Variants in BRWD1 observed in about 807,000 individuals in gnomAD.
BRWD1 encodes bromodomain and WD repeat domain containing 1, also known as bromodomain and WD repeat-containing protein 1.
In BRWD1, 82 loss-of-function variants were observed where a neutral mutation model predicts 251.2. That is an observed-to-expected ratio of 0.33 (90% CI 0.27 to 0.39). The LOEUF is 0.39. BRWD1 is among the 10% of genes least tolerant of loss of function. BRWD1 has a pLI of 1.00. For missense variants in BRWD1, 2,233 were observed against 2,711.6 expected (o/e 0.82, Z 3.92); for synonymous variants, 918 against 902.8 (o/e 1.02, Z -0.30).
At chr21:39,260,421 T>C (rs76464837) in intron 17 of BRWD1, among the ~76,000 whole-genome samples, 12,255 of 152,226 alleles carry the variant, frequency 0.081, 672 homozygotes, top group Non-Finnish European at 0.12. Context: ...ATTACAAGCG[T>C]GAGCCACTGC....
chr21:39,202,629 T>C, intron 37 of BRWD1, 84 bp from the exon 38 acceptor site: 1 of 843,614 alleles, frequency 1.2e-6, no homozygotes, highest in Non-Finnish European at 1.8e-6. Flanking sequence ...AATAGAAGTA[T>C]ATCATATTTC....
At chr21:39,267,905 CA>C (rs916721991) in intron 15 of BRWD1, among the ~76,000 whole-genome samples, 11 of 149,686 alleles carry the variant, frequency 7.3e-5, no homozygotes, top group African/African-American at 1.7e-4. Flanking sequence ...ATAAAAATTT[CA>C]AAAAAAAAGG....
upstream of BRWD1, chr21:39,314,454 A>G (rs376939332): frequency 1.0e-5 from 4 of 398,146 alleles, no homozygotes; most frequent in African/African-American, 2.1e-5. Context: ...AGGGTGGTGC[A>G]GACGGGCCGC....
At chr21:39,237,962 A>C (rs891027684) in intron 22 of BRWD1, among the ~76,000 whole-genome samples, 1 of 152,210 alleles carries the variant, frequency 6.6e-6, no homozygotes, top group Admixed American at 6.5e-5. Flanking sequence ...CCAATTAAAA[A>C]AAAAAGAAAG....
chr21:39,303,179 C>T (rs2036175527), intron 4 of BRWD1, among the ~76,000 whole-genome samples: 5 of 151,994 alleles, frequency 3.3e-5, no homozygotes, highest in Admixed American at 3.3e-4. Flanking sequence ...ATATTGAAAC[C>T]TCTAGGGAAA....
In BRWD1 at chr21:39,193,879, G is replaced by A; in HGVS notation, c.*2380C>T. The A allele has an allele frequency of 2.0e-6, 2 of 985,368 alleles. No individual in the cohort carries two copies. Among genetic ancestry groups the A allele is most frequent in the Non-Finnish European group, 2.4e-6 (2 of 829,586 alleles). 61.0% of individuals were successfully genotyped at this position (985,368 alleles called of 1,614,324 possible). A position where few individuals can be genotyped will look rare whatever the true frequency, so the allele number is the denominator to read the frequency against. On this transcript the variant is annotated 3_prime_UTR_variant, in exon 41 of 41. Coordinates refer to ENST00000342449, the MANE Select transcript of BRWD1 (RefSeq NM_033656.4). ...ATTTTCCTTAAAGGTACTTAGGAGT[G>A]TGTGTGTCACATATTCAAAGTTAAC... is the stretch of plus-strand genomic sequence containing the variant.
At position 39,236,680 on chromosome 21, in the gene BRWD1, C is replaced by T; in HGVS notation, c.2681G>A (p.Ser894Asn). 6.2e-7 allele frequency: 1 copy of T among 1,613,884 alleles called. No homozygotes were observed. Among genetic ancestry groups the T allele is most frequent in the Non-Finnish European group, 8.5e-7 (1 of 1,179,826 alleles). The stretch of plus-strand genomic sequence containing the variant: ...CTCAGTAGATATTTCATCTTCTGAA[C>T]TACTACAAAATCGAGTAATTCGTCG... ...CRRRITRFCS[S>N]SEDEISTENL... The change falls in exon 23 of 41, where the codon AGT becomes AAT. Residue 894 changes from serine to asparagine, a missense_variant. Physicochemically the swap from Ser to Asn is conservative, Grantham distance 46 (BLOSUM62 1). Coordinates refer to ENST00000342449, the MANE Select transcript of BRWD1 (RefSeq NM_033656.4).
At chr21:39,270,560 T>C (rs2035066255) in intron 13 of BRWD1, 127 bp from the exon 14 acceptor site, 1 of 740,888 alleles carries the variant, frequency 1.3e-6, no homozygotes, top group East Asian at 2.9e-5. Context: ...CTACAGTGAG[T>C]TCATCACAGC....
chr21:39,285,581 T>G (rs548033993), intron 8 of BRWD1, among the ~76,000 whole-genome samples: 24 of 152,282 alleles, frequency 1.6e-4, no homozygotes, highest in East Asian at 1.2e-3. Context: ...CACACTGTAT[T>G]CTTTGTCTTT....
Position 39,196,618 on chromosome 21 carries a change from G to A in BRWD1, c.6451C>T (p.Pro2151Ser), listed in dbSNP as rs773045837. ...TCTGATGATTTGGAACTAGTATCAG[G>A]TCTAAACTTTGAATTCCCAGTTGTT... ...SETTGNSKFR[P>S]DTSSKSSDLG... is the part of the protein sequence containing the mutation. Residue 2151 changes from proline to serine, a missense_variant, in exon 41 of 41, where the codon CCT becomes TCT. Physicochemically the swap from Pro to Ser is moderately conservative, Grantham distance 74 (BLOSUM62 -1). Around this residue, in one of 12 missense-constraint regions of BRWD1, gnomAD observed 928 missense variants for 970.0 expected, o/e 0.96. Transcript: ENST00000342449. 11 of 1,613,550 alleles carry A rather than the reference G, an allele frequency of 6.8e-6. No homozygotes were observed. Among genetic ancestry groups the A allele is most frequent in the African/African-American group, 1.3e-5 (1 of 74,830 alleles).
intron 19 of BRWD1, among the ~76,000 whole-genome samples, chr21:39,253,374 T>C (rs1453574395): frequency 6.6e-6 from 1 of 151,132 alleles, no homozygotes; most frequent in East Asian, 1.9e-4. Context: ...CCTGATTAAC[T>C]GTGGAACCAC....
At chr21:39,265,658 A>G (rs1238753230) in intron 15 of BRWD1, among the ~76,000 whole-genome samples, 3 of 152,238 alleles carry the variant, frequency 2.0e-5, no homozygotes, top group Non-Finnish European at 4.4e-5. Flanking sequence ...ATATAATAAA[A>G]GGATAATAAG....
chr21:39,294,067 A>G, intron 7 of BRWD1, 35 bp from the exon 8 acceptor site: 1 of 1,543,490 alleles, frequency 6.5e-7, no homozygotes, highest in Non-Finnish European at 8.9e-7. Flanking sequence ...TAATGTTAGT[A>G]CAGCAAATCT....
At chr21:39,289,879 G>C (rs1421495794) in intron 8 of BRWD1, among the ~76,000 whole-genome samples, 1 of 151,750 alleles carries the variant, frequency 6.6e-6, no homozygotes, top group Admixed American at 6.6e-5. Flanking sequence ...CAAAAAATTA[G>C]CCGGACGTGG....
At chr21:39,208,345 G>A (rs929592009) in intron 36 of BRWD1, among the ~76,000 whole-genome samples, 14 of 152,248 alleles carry the variant, frequency 9.2e-5, no homozygotes, top group African/African-American at 7.2e-5. Context: ...AGCCTTGAAC[G>A]TTAAACTGAT....
chr21:39,295,336 A>G (rs1483745962), intron 7 of BRWD1, among the ~76,000 whole-genome samples: 5 of 151,326 alleles, frequency 3.3e-5, no homozygotes, highest in Non-Finnish European at 7.4e-5. Flanking sequence ...ACAGGCGCCC[A>G]CCACCACACC....
At chr21:39,310,656 A>G (rs1250428420) in intron 4 of BRWD1, among the ~76,000 whole-genome samples, 3 of 152,178 alleles carry the variant, frequency 2.0e-5, no homozygotes, top group African/African-American at 7.2e-5. Context: ...GGTGCATTAC[A>G]TTATTCTCAT....
At position 39,190,519 on chromosome 21, in the gene BRWD1, C is replaced by T. The variant is rs953788943; in HGVS notation, c.*5740G>A. On this transcript the variant is annotated 3_prime_UTR_variant, in exon 41 of 41. Transcript: ENST00000342449. The stretch of plus-strand genomic sequence containing the variant: ...CAAATCCACAAAGTGGGTAAACCCT[C>T]TAGGTGCAAGTTATAAGCTCCCTCA... 1 of 985,324 alleles carries T rather than the reference C, an allele frequency of 1.0e-6. No individual in the cohort carries two copies. The highest frequency in any genetic ancestry group is 6.2e-5 in the Admixed American group (1 of 16,254). 61.0% of individuals were successfully genotyped at this position (985,324 alleles called of 1,614,324 possible). A position where few individuals can be genotyped will look rare whatever the true frequency, so the allele number is the denominator to read the frequency against.
At chr21:39,276,868 C>G (rs970463174) in intron 11 of BRWD1, among the ~76,000 whole-genome samples, 4 of 152,166 alleles carry the variant, frequency 2.6e-5, no homozygotes, top group African/African-American at 4.8e-5. Context: ...AAGTGCTAAT[C>G]TGAGTTGCCA....
Sources: allele counts gnomAD v4.1 joint callset (sites outside exome capture counted in the v4.1 genomes callset), GRCh38; gene constraint gnomAD v4.1.1; regional missense constraint gnomAD v4.1.1; transcripts MANE v1.5; gene names NCBI Gene and HGNC (gene_info 2026-07-23, HGNC 2026-07-21).